The following OCA2 variants were observed in gnomAD, a reference collection of about 807,000 sequenced individuals.
OCA2 encodes OCA2 melanosomal transmembrane protein, also known as P protein.
Under a neutral mutation model 100.2 loss-of-function variants are expected in OCA2, and 77 were observed. The ratio of observed to expected loss-of-function variants is 0.77; its 90% confidence interval spans 0.64 to 0.93. The LOEUF (loss-of-function observed/expected upper bound fraction) is 0.93. Ranked by LOEUF, OCA2 falls within the 40% of genes least tolerant of loss-of-function variation. The pLI is 0.00. For synonymous variants in OCA2, 432 were observed against 439.2 expected (o/e 0.98, Z 0.21); for missense variants, 1,062 against 1,089.1 (o/e 0.98, Z 0.35).
intron 19 of OCA2, among the ~76,000 whole-genome samples, chr15:27,910,679 T>C (rs1017015881): frequency 1.5e-4 from 23 of 148,914 alleles, no homozygotes; most frequent in African/African-American, 5.4e-4. Flanking sequence ...AACATACGGC[T>C]GGGTGTGGTG....
chr15:28,069,460 G>T (rs865815641), intron 2 of OCA2, among the ~76,000 whole-genome samples: 2 of 109,602 alleles, frequency 1.8e-5, no homozygotes, highest in African/African-American at 9.0e-5. Flanking sequence ...CCTCTCATGC[G>T]GGGCCGAAGC....
At chr15:27,833,487 T>A (rs1393550924) in intron 23 of OCA2, among the ~76,000 whole-genome samples, 1 of 152,228 alleles carries the variant, frequency 6.6e-6, no homozygotes, top group Non-Finnish European at 1.5e-5. Context: ...TACCAGGACA[T>A]TTACTCTTTA....
chr15:28,024,965 A>G, intron 4 of OCA2, 63 bp from the exon 5 acceptor site: 1 of 1,479,532 alleles, frequency 6.8e-7, no homozygotes, highest in Non-Finnish European at 9.4e-7. Context: ...AGACTCAGAC[A>G]CTTTTCTGCA....
At chr15:28,007,225 G>C (rs2141167424) in intron 9 of OCA2, among the ~76,000 whole-genome samples, 3 of 152,288 alleles carry the variant, frequency 2.0e-5, no homozygotes, top group Admixed American at 2.0e-4. Flanking sequence ...AAAATGCACT[G>C]TCTCATTTAT....
intron 4 of OCA2, among the ~76,000 whole-genome samples, chr15:28,027,177 C>T (rs538871564): frequency 1.3e-5 from 2 of 152,350 alleles, no homozygotes; most frequent in African/African-American, 4.8e-5. Flanking sequence ...CGCTACTGCC[C>T]GCGCACACGC....
chr15:28,070,243 C>G (rs1190934395), intron 2 of OCA2, among the ~76,000 whole-genome samples: 3 of 137,630 alleles, frequency 2.2e-5, no homozygotes, highest in Non-Finnish European at 4.5e-5. Flanking sequence ...CCTCTCCGCC[C>G]GGCAGCCACC....
the OCA2 span, among the ~76,000 whole-genome samples, chr15:27,737,261 A>G: frequency 6.6e-6 from 1 of 152,232 alleles, no homozygotes; most frequent in African/African-American, 2.4e-5. Flanking sequence ...ATGCAATTGT[A>G]ATCAAAATCA....
chr15:27,812,179 G>A (rs1015408902), intron 23 of OCA2, among the ~76,000 whole-genome samples: 28 of 152,138 alleles, frequency 1.8e-4, no homozygotes, highest in African/African-American at 6.8e-4. Flanking sequence ...GCTTCCAGCA[G>A]GACAGCTTAT....
chr15:27,984,824 C>G (rs576837647), intron 13 of OCA2, among the ~76,000 whole-genome samples: 1 of 152,308 alleles, frequency 6.6e-6, no homozygotes, highest in African/African-American at 2.4e-5. Flanking sequence ...AAAGCAAGGC[C>G]TATGTCTTCC....
At chr15:27,822,632 C>G (rs893987135) in intron 23 of OCA2, among the ~76,000 whole-genome samples, 7 of 152,106 alleles carry the variant, frequency 4.6e-5, no homozygotes, top group Non-Finnish European at 8.8e-5. Context: ...ATTTGAATTT[C>G]CCTGTAGCTA....
intron 19 of OCA2, among the ~76,000 whole-genome samples, chr15:27,875,071 AATG>A (rs2036732585): frequency 1.3e-5 from 2 of 152,184 alleles, no homozygotes; most frequent in African/African-American, 2.4e-5. Context: ...GTGAAGAGAA[AATG>A]ATAATTTTAA....
intron 23 of OCA2, among the ~76,000 whole-genome samples, chr15:27,757,939 G>C (rs182246157): frequency 6.6e-6 from 1 of 152,214 alleles, no homozygotes; most frequent in East Asian, 1.9e-4. Flanking sequence ...AATACATAAG[G>C]GTTTATCGGA....
intron 23 of OCA2, among the ~76,000 whole-genome samples, chr15:27,837,400 G>A (rs1263008458): frequency 2.6e-5 from 4 of 152,240 alleles, no homozygotes; most frequent in East Asian, 1.9e-4. Flanking sequence ...GTTAAGCTAC[G>A]TGGGCAGCCT....
intron 23 of OCA2, among the ~76,000 whole-genome samples, chr15:27,789,048 A>G (rs1030402772): frequency 2.6e-5 from 4 of 151,984 alleles, no homozygotes; most frequent in African/African-American, 9.7e-5. Flanking sequence ...ACATCTCTCT[A>G]TGTCAAAAGG....
At chr15:27,932,110 C>T (rs142305037) in intron 18 of OCA2, among the ~76,000 whole-genome samples, 18 of 152,272 alleles carry the variant, frequency 1.2e-4, no homozygotes, top group African/African-American at 4.1e-4. Flanking sequence ...AGATGTGAAC[C>T]ACTGGAGAGC....
intron 4 of OCA2, 142 bp downstream of exon 4, chr15:28,027,729 C>A (rs2042795951): frequency 5.8e-6 from 5 of 863,048 alleles, no homozygotes; most frequent in Admixed American, 2.1e-5. Context: ...AATAAATCAC[C>A]TTGGAGGAAA....
At chr15:28,073,840 G>A (rs1254546259) in intron 2 of OCA2, among the ~76,000 whole-genome samples, 1 of 152,120 alleles carries the variant, frequency 6.6e-6, no homozygotes, top group Non-Finnish European at 1.5e-5. Flanking sequence ...ATGAAAAACA[G>A]ATCAGTGATT....
intron 23 of OCA2, among the ~76,000 whole-genome samples, chr15:27,758,281 G>A (rs1007082396): frequency 6.6e-6 from 1 of 152,160 alleles, no homozygotes; most frequent in Non-Finnish European, 1.5e-5. Context: ...CAGAAAGCCA[G>A]GAAAGGGCAC....
intron 14 of OCA2, among the ~76,000 whole-genome samples, chr15:27,981,679 A>G (rs1159599457): frequency 6.6e-6 from 1 of 152,162 alleles, no homozygotes; most frequent in Non-Finnish European, 1.5e-5. Flanking sequence ...TGCGTCAAGC[A>G]CTTGTCCCTC....
Sources: gnomAD v4.1 joint callset for allele counts (sites outside exome capture counted in the v4.1 genomes callset) on GRCh38, gnomAD v4.1.1 for gene constraint, MANE v1.5 for transcripts, NCBI Gene and HGNC (gene_info 2026-07-23, HGNC 2026-07-21) for gene names.